Variants in XPR1 observed in about 807,000 individuals in gnomAD.
XPR1 encodes the protein xenotropic and polytropic retrovirus receptor 1.
Under a neutral mutation model 87.5 loss-of-function variants are expected in XPR1, and 28 were observed. The observed-to-expected ratio is 0.32, with a 90% CI of 0.24 to 0.44. The LOEUF (loss-of-function observed/expected upper bound fraction) is 0.44, where lower values mean the gene tolerates loss of function less well. Ranked by LOEUF, XPR1 falls within the 20% of genes least tolerant of loss-of-function variation. XPR1 has a pLI of 1.00. For synonymous variants in XPR1, 300 were observed against 306.1 expected (o/e 0.98, Z 0.21); for missense variants, 559 against 862.3 (o/e 0.65, Z 4.41).
intron 2 of XPR1, among the ~76,000 whole-genome samples, chr1:180,777,799 G>T (rs1648781650): frequency 6.6e-6 from 1 of 152,076 alleles, no homozygotes; most frequent in South Asian, 2.1e-4. Flanking sequence ...TTCTATATTT[G>T]ATGGAGCATG....
chr1:180,883,707 C>A (rs376015118), intron 14 of XPR1, among the ~76,000 whole-genome samples: 637 of 132,842 alleles, frequency 4.8e-3, no homozygotes, highest in Admixed American at 6.5e-3. Flanking sequence ...GACTCTGTCT[C>A]AAAAAAAAAA....
intron 9 of XPR1, among the ~76,000 whole-genome samples, chr1:180,826,999 T>C (rs185170042): frequency 2.0e-5 from 3 of 151,272 alleles, no homozygotes; most frequent in Admixed American, 2.0e-4. Flanking sequence ...ACCAAAAATA[T>C]AAAAATTAGC....
At chr1:180,703,858 T>C (rs1299302678) in intron 2 of XPR1, among the ~76,000 whole-genome samples, 1 of 152,162 alleles carries the variant, frequency 6.6e-6, no homozygotes, top group African/African-American at 2.4e-5. Flanking sequence ...GCCCTACCCA[T>C]ATATCGAGTA....
intron 1 of XPR1, among the ~76,000 whole-genome samples, chr1:180,641,412 G>A (rs926394880): frequency 6.6e-6 from 1 of 152,148 alleles, no homozygotes; most frequent in African/African-American, 2.4e-5. Context: ...GGTTTTCATG[G>A]AAAATGGCTT....
intron 1 of XPR1, among the ~76,000 whole-genome samples, chr1:180,661,746 G>A (rs1465214043): frequency 2.0e-5 from 3 of 152,038 alleles, no homozygotes; most frequent in Non-Finnish European, 2.9e-5. Context: ...ATGGTGGCAC[G>A]TACCTGTAGT....
chr1:180,734,065 G>A (rs1406272092), intron 2 of XPR1, among the ~76,000 whole-genome samples: 1 of 152,274 alleles, frequency 6.6e-6, no homozygotes, highest in Non-Finnish European at 1.5e-5. Flanking sequence ...ATAAGAAAGA[G>A]GCAGAGCCAG....
chr1:180,792,955 C>CA (rs1649440388), intron 3 of XPR1, among the ~76,000 whole-genome samples: 1 of 152,038 alleles, frequency 6.6e-6, no homozygotes, highest in Non-Finnish European at 1.5e-5. Flanking sequence ...ACAAAACAGT[C>CA]AAGCCTTTTT....
At chr1:180,830,762 A>G (rs918275275) in intron 9 of XPR1, among the ~76,000 whole-genome samples, 3 of 152,202 alleles carry the variant, frequency 2.0e-5, no homozygotes, top group Non-Finnish European at 4.4e-5. Context: ...AGCGCTTATC[A>G]AGACAATCTG....
intron 11 of XPR1, among the ~76,000 whole-genome samples, chr1:180,857,195 C>CA (rs71707938): frequency 0.043 from 6,534 of 152,214 alleles, 500 homozygotes; most frequent in African/African-American, 0.15. Flanking sequence ...GGTTCCTTGT[C>CA]AGTACCCAAG....
At chr1:180,749,062 G>C (rs569396163) in intron 2 of XPR1, among the ~76,000 whole-genome samples, 12 of 152,308 alleles carry the variant, frequency 7.9e-5, no homozygotes, top group African/African-American at 2.9e-4. Flanking sequence ...TTAGCCAGGC[G>C]TGGAGACGCA....
At position 180,687,622 on chromosome 1, in the gene XPR1, GTTTAC is replaced by G. The variant is rs138144244; in HGVS notation, c.121+5216_121+5220del. 2.7e-3 allele frequency among the ~76,000 whole-genome samples: 405 copies of G among 152,146 alleles called. 2 individuals carry two copies. The highest frequency in any genetic ancestry group is 9.3e-3 in the African/African-American group (385 of 41,530). On this transcript the variant is annotated intron_variant, in intron 2 of 14. Transcript: ENST00000367590. ...CAATTTCAGTGTATTGAGAAATTATGTTTACTTTAATTTGCTCTCTGTTACTCAAA... is the reference window on the plus strand; with the variant it reads ...CAATTTCAGTGTATTGAGAAATTATGTTTAATTTGCTCTCTGTTACTCAAA...
intron 11 of XPR1, among the ~76,000 whole-genome samples, chr1:180,844,365 A>G (rs77984676): frequency 0.028 from 4,262 of 152,318 alleles, 77 homozygotes; most frequent in Non-Finnish European, 0.045. Flanking sequence ...GCTATGGTGA[A>G]AAGTATAAAC....
chr1:180,757,645 T>C (rs1192449535), intron 2 of XPR1, among the ~76,000 whole-genome samples: 1 of 151,202 alleles, frequency 6.6e-6, no homozygotes, highest in Non-Finnish European at 1.5e-5. Flanking sequence ...GCCTTTTGAG[T>C]AGGTAGGACT....
intron 2 of XPR1, among the ~76,000 whole-genome samples, chr1:180,757,231 T>C (rs535172089): frequency 1.7e-4 from 26 of 152,316 alleles, no homozygotes; most frequent in African/African-American, 6.3e-4. Context: ...AGAAAGTATG[T>C]TTTTCAAAAG....
intron 2 of XPR1, among the ~76,000 whole-genome samples, chr1:180,714,405 CGTCTGTCTGTCT>C (rs141207072): frequency 1.7e-5 from 2 of 120,564 alleles, no homozygotes; most frequent in South Asian, 2.7e-4. Flanking sequence ...CTCTCTCTGT[CGTCTGTCTGTCT>C]GTCTGTCTGT....
chr1:180,834,707 G>A (rs951590587), intron 9 of XPR1, among the ~76,000 whole-genome samples, 167 bp from the exon 10 acceptor site: 3 of 151,994 alleles, frequency 2.0e-5, no homozygotes, highest in Non-Finnish European at 4.4e-5. Flanking sequence ...TCCTTTCACT[G>A]CTAATTCTCA....
intron 11 of XPR1, among the ~76,000 whole-genome samples, chr1:180,842,471 C>T (rs949130034): frequency 3.3e-5 from 5 of 152,072 alleles, no homozygotes; most frequent in Admixed American, 6.6e-5. Flanking sequence ...AAGGAAAACA[C>T]GTTTGAAATA....
intron 3 of XPR1, among the ~76,000 whole-genome samples, chr1:180,802,590 GT>G (rs1286951167): frequency 3.9e-5 from 6 of 152,094 alleles, no homozygotes; most frequent in Admixed American, 1.3e-4. Context: ...GGTTTTTAGT[GT>G]ATTCACAAGG....
chr1:180,701,428 G>C (rs1368487015), intron 2 of XPR1, among the ~76,000 whole-genome samples: 6 of 124,322 alleles, frequency 4.8e-5, no homozygotes, highest in South Asian at 2.5e-4. Context: ...TAGCATGAAG[G>C]GTTGTTGAAT....
Sources: allele counts gnomAD v4.1 joint callset (sites outside exome capture counted in the v4.1 genomes callset), GRCh38; gene constraint gnomAD v4.1.1; transcripts MANE v1.5; gene names NCBI Gene and HGNC (gene_info 2026-07-23, HGNC 2026-07-21).